ANO3: variants seen among roughly 807,000 people sequenced by gnomAD.
The protein encoded by ANO3 is anoctamin-3.
A neutral mutation model predicts 144.8 loss-of-function variants in ANO3; 99 were observed. The observed-to-expected ratio is 0.68, with a 90% CI of 0.58 to 0.81. The LOEUF (loss-of-function observed/expected upper bound fraction) is 0.81. ANO3 is among the 30% of genes least tolerant of loss of function. ANO3 has a pLI of 0.00. For synonymous variants in ANO3, 414 were observed against 392.6 expected (o/e 1.05, Z -0.64); for missense variants, 905 against 1,202.2 (o/e 0.75, Z 3.66).
chr11:26,199,034 A>C (rs1851641652), intron 1 of ANO3, among the ~76,000 whole-genome samples: 1 of 152,148 alleles, frequency 6.6e-6, no homozygotes, highest in Admixed American at 6.6e-5. Flanking sequence ...GCAAACCTCA[A>C]ATCCTAATTA....
intron 1 of ANO3, chr11:26,207,924 A>C (rs1851842154): frequency 6.6e-6 from 1 of 152,134 alleles, no homozygotes; most frequent in Non-Finnish European, 1.5e-5. Flanking sequence ...TGCTATAAGA[A>C]AATATCATAA....
intron 1 of ANO3, among the ~76,000 whole-genome samples, chr11:26,267,792 T>C (rs1425753426): frequency 6.6e-6 from 1 of 152,192 alleles, no homozygotes; most frequent in Non-Finnish European, 1.5e-5. Flanking sequence ...TTCCCTTTGC[T>C]GTGTCCACTG....
intron 1 of ANO3, among the ~76,000 whole-genome samples, chr11:26,236,545 G>A (rs376505902): frequency 1.3e-5 from 2 of 152,188 alleles, no homozygotes; most frequent in South Asian, 4.1e-4. Flanking sequence ...TCGGCCGGGG[G>A]CCGCGGCTCA....
chr11:26,226,058 A>G (rs1852250918), intron 1 of ANO3, among the ~76,000 whole-genome samples: 1 of 152,086 alleles, frequency 6.6e-6, no homozygotes. Flanking sequence ...TACAACCCCT[A>G]CAAGCCTCTC....
chr11:26,553,403 A>C (rs1849996158), intron 13 of ANO3, 58 bp downstream of exon 13: 1 of 1,233,184 alleles, frequency 8.1e-7, no homozygotes, highest in Non-Finnish European at 1.2e-6. Flanking sequence ...AGGCTGTAAG[A>C]AGTCCTCTAG....
intron 1 of ANO3, among the ~76,000 whole-genome samples, chr11:26,425,037 C>A (rs867204975): frequency 2.0e-5 from 3 of 151,824 alleles, no homozygotes; most frequent in African/African-American, 7.3e-5. Flanking sequence ...TCCCTCCCCC[C>A]CACCCCACAA....
intron 1 of ANO3, among the ~76,000 whole-genome samples, chr11:26,428,463 A>G (rs1000542683): frequency 1.4e-4 from 21 of 152,246 alleles, no homozygotes; most frequent in African/African-American, 5.1e-4. Flanking sequence ...TCTCAATAGC[A>G]AAGTACAAAA....
chr11:26,510,786 A>T (rs998075435), intron 5 of ANO3, among the ~76,000 whole-genome samples: 1 of 152,306 alleles, frequency 6.6e-6, no homozygotes, highest in Admixed American at 6.5e-5. Flanking sequence ...GAAAGCTCAG[A>T]TTCTCAGTTC....
chr11:26,204,282 G>T (rs757336807), intron 1 of ANO3, among the ~76,000 whole-genome samples: 3 of 151,986 alleles, frequency 2.0e-5, no homozygotes, highest in Admixed American at 6.6e-5. Context: ...CTTTCAATAT[G>T]TCTGGAGTTC....
intron 1 of ANO3, among the ~76,000 whole-genome samples, chr11:26,365,377 C>T (rs1183465216): frequency 6.6e-6 from 1 of 152,188 alleles, no homozygotes; most frequent in Non-Finnish European, 1.5e-5. Context: ...CACTGGCCCC[C>T]TTCCCATATC....
intron 6 of ANO3, among the ~76,000 whole-genome samples, chr11:26,523,687 C>T (rs544077125): frequency 1.5e-3 from 228 of 152,196 alleles, no homozygotes; most frequent in African/African-American, 5.4e-3. Flanking sequence ...TTTGTTCTTA[C>T]CATATAAGTG....
intron 17 of ANO3, among the ~76,000 whole-genome samples, chr11:26,615,414 A>ATATATATATATATATAT (rs1352935016): frequency 6.9e-5 from 9 of 130,688 alleles, no homozygotes; most frequent in African/African-American, 2.7e-4. Flanking sequence ...ATATATATAT[A>ATATATATATATATATAT]TTTTTTTTTT....
At chr11:26,280,685 C>G (rs1211918586) in intron 1 of ANO3, among the ~76,000 whole-genome samples, 1 of 152,154 alleles carries the variant, frequency 6.6e-6, no homozygotes, top group Non-Finnish European at 1.5e-5. Flanking sequence ...CACAGACACA[C>G]CCAGGAAAAT....
At chr11:26,380,116 T>G (rs2133949087) in intron 1 of ANO3, among the ~76,000 whole-genome samples, 1 of 152,284 alleles carries the variant, frequency 6.6e-6, no homozygotes, top group Non-Finnish European at 1.5e-5. Context: ...TCAGTTCTAG[T>G]CAGGTACCAG....
chr11:26,230,142 G>T (rs777597873), intron 1 of ANO3, among the ~76,000 whole-genome samples: 4 of 152,156 alleles, frequency 2.6e-5, no homozygotes, highest in Non-Finnish European at 5.9e-5. Flanking sequence ...ATTATAATGA[G>T]AAAAATCATG....
chr11:26,209,298 T>A (rs980230961), intron 1 of ANO3, among the ~76,000 whole-genome samples: 3 of 152,236 alleles, frequency 2.0e-5, no homozygotes, highest in African/African-American at 7.2e-5. Flanking sequence ...TCCAGCTTCA[T>A]CCATGTGCCT....
chr11:26,268,871 G>A (rs1412011345), intron 1 of ANO3, among the ~76,000 whole-genome samples: 1 of 152,104 alleles, frequency 6.6e-6, no homozygotes, highest in Non-Finnish European at 1.5e-5. Context: ...AGAACAATGT[G>A]ATGAGGACAA....
intron 1 of ANO3, among the ~76,000 whole-genome samples, chr11:26,433,426 C>T (rs1858188342): frequency 6.6e-6 from 1 of 152,058 alleles, no homozygotes; most frequent in South Asian, 2.1e-4. Flanking sequence ...ACTTCCAATA[C>T]TATGTTGAGT....
At chr11:26,589,063 C>CACCA (rs763326549) in intron 14 of ANO3, among the ~76,000 whole-genome samples, 1 of 152,146 alleles carries the variant, frequency 6.6e-6, no homozygotes, top group African/African-American at 2.4e-5. Context: ...AAAATCAGAA[C>CACCA]ACCAACCAAC....
Sources: allele counts gnomAD v4.1 joint callset (sites outside exome capture counted in the v4.1 genomes callset), GRCh38; gene constraint gnomAD v4.1.1; transcripts MANE v1.5; gene names NCBI Gene and HGNC (gene_info 2026-07-23, HGNC 2026-07-21).